Variants in TENM4 observed in about 807,000 individuals in gnomAD.
The protein encoded by TENM4 is teneurin-4.
A neutral mutation model predicts 243.3 loss-of-function variants in TENM4; 82 were observed. The ratio of observed to expected loss-of-function variants is 0.34; its 90% CI spans 0.28 to 0.40. TENM4 has a LOEUF of 0.40. TENM4 is among the 10% of genes least tolerant of loss of function. The pLI, the probability that TENM4 is intolerant of heterozygous loss-of-function variation, is 1.00. For missense variants in TENM4, 3,138 were observed against 3,673.3 expected (o/e 0.85, Z 3.77); for synonymous variants, 1,412 against 1,456.3 (o/e 0.97, Z 0.69).
At chr11:79,066,397 C>T (rs996250923) in intron 5 of TENM4, among the ~76,000 whole-genome samples, 10 of 152,126 alleles carry the variant, frequency 6.6e-5, no homozygotes, top group Non-Finnish European at 1.5e-4. Context: ...GGGTAGGAGG[C>T]GAGCCAGCAG....
chr11:79,092,838 G>A (rs1470757254), intron 4 of TENM4: 2 of 152,194 alleles, frequency 1.3e-5, no homozygotes, highest in Non-Finnish European at 2.9e-5. Flanking sequence ...GGAGGCTCTA[G>A]AATCTGGAGA....
chr11:78,902,735 C>T (rs1461267170), intron 7 of TENM4, among the ~76,000 whole-genome samples: 2 of 152,130 alleles, frequency 1.3e-5, no homozygotes, highest in Non-Finnish European at 2.9e-5. Context: ...GGGCTTTGGG[C>T]ATAAAGGTGG....
chr11:79,314,692 A>G (rs957332357), intron 1 of TENM4, among the ~76,000 whole-genome samples: 3 of 152,254 alleles, frequency 2.0e-5, no homozygotes, highest in Non-Finnish European at 2.9e-5. Flanking sequence ...GCAAGGTGCT[A>G]GATGACTTTT....
At chr11:78,937,651 C>G (rs1163280864) in intron 6 of TENM4, among the ~76,000 whole-genome samples, 1 of 152,102 alleles carries the variant, frequency 6.6e-6, no homozygotes, top group Non-Finnish European at 1.5e-5. Flanking sequence ...ACAGAGCAAA[C>G]CAAAATGGAG....
chr11:79,251,746 T>C (rs186911936), intron 2 of TENM4, among the ~76,000 whole-genome samples: 199 of 151,976 alleles, frequency 1.3e-3, no homozygotes, highest in African/African-American at 4.5e-3. Flanking sequence ...ATAAAAATCA[T>C]GTTAAAATAA....
At chr11:79,404,442 G>C (rs546860614) in intron 1 of TENM4, among the ~76,000 whole-genome samples, 1 of 152,334 alleles carries the variant, frequency 6.6e-6, no homozygotes, top group African/African-American at 2.4e-5. Flanking sequence ...GAGGCTGCCA[G>C]GGGATTGGGG....
chr11:78,903,190 G>A, intron 7 of TENM4, 78 bp downstream of exon 7: 2 of 1,434,188 alleles, frequency 1.4e-6, no homozygotes, highest in Non-Finnish European at 1.8e-6. Context: ...ACACTGAATG[G>A]CCCCGCCAGC....
intron 6 of TENM4, among the ~76,000 whole-genome samples, chr11:78,984,582 A>T (rs1227818281): frequency 6.6e-6 from 1 of 152,116 alleles, no homozygotes; most frequent in African/African-American, 2.4e-5. Context: ...CAAGGGACTC[A>T]CTACTCACTC....
intron 1 of TENM4, among the ~76,000 whole-genome samples, chr11:79,421,414 T>C (rs1243246816): frequency 2.6e-5 from 4 of 152,204 alleles, no homozygotes; most frequent in African/African-American, 9.6e-5. Flanking sequence ...AGTCATAAAG[T>C]GCATTCCTAT....
chr11:79,399,779 C>A (rs1174199623), intron 1 of TENM4, among the ~76,000 whole-genome samples: 1 of 152,070 alleles, frequency 6.6e-6, no homozygotes, highest in Non-Finnish European at 1.5e-5. Flanking sequence ...ATTACTATGA[C>A]CTTAGGCAAG....
intron 6 of TENM4, among the ~76,000 whole-genome samples, chr11:78,980,593 A>G (rs763320969): frequency 2.0e-5 from 3 of 152,250 alleles, no homozygotes; most frequent in Non-Finnish European, 4.4e-5. Flanking sequence ...TATCAACAAT[A>G]GTAACAGTAG....
intron 1 of TENM4, among the ~76,000 whole-genome samples, chr11:79,372,672 T>G (rs1439673270): frequency 6.6e-6 from 1 of 152,196 alleles, no homozygotes; most frequent in Admixed American, 6.5e-5. Flanking sequence ...AAGCATCACT[T>G]TCCTCTTCTG....
chr11:78,885,939 A>C (rs1329255382), intron 9 of TENM4, among the ~76,000 whole-genome samples: 1 of 152,130 alleles, frequency 6.6e-6, no homozygotes, highest in Non-Finnish European at 1.5e-5. Context: ...ACAAACAAAC[A>C]AACAAACAAA....
At chr11:79,372,491 T>C (rs1240161241) in intron 1 of TENM4, among the ~76,000 whole-genome samples, 1 of 152,148 alleles carries the variant, frequency 6.6e-6, no homozygotes, top group African/African-American at 2.4e-5. Context: ...GAGATGGAGC[T>C]TATCTCTCAG....
intron 3 of TENM4, among the ~76,000 whole-genome samples, chr11:79,178,434 C>G (rs1293748043): frequency 6.6e-6 from 1 of 151,360 alleles, no homozygotes; most frequent in African/African-American, 2.4e-5. Flanking sequence ...TGGGGCACCC[C>G]TGCATTCAGA....
intron 1 of TENM4, among the ~76,000 whole-genome samples, chr11:79,363,751 T>C (rs1857629639): frequency 6.6e-6 from 1 of 152,230 alleles, no homozygotes; most frequent in Admixed American, 6.5e-5. Flanking sequence ...TTTTACTAAA[T>C]GATACTAAAA....
intron 6 of TENM4, among the ~76,000 whole-genome samples, chr11:78,985,602 C>T (rs555741432): frequency 5.9e-5 from 9 of 152,208 alleles, no homozygotes; most frequent in African/African-American, 2.2e-4. Context: ...TATCTTTGTA[C>T]ATTTTTTGTG....
At chr11:78,994,761 G>T (rs1013631190) in intron 6 of TENM4, among the ~76,000 whole-genome samples, 25 of 152,190 alleles carry the variant, frequency 1.6e-4, no homozygotes, top group African/African-American at 5.5e-4. Context: ...CTCTCAGAAA[G>T]AGTATCAATC....
intron 3 of TENM4, among the ~76,000 whole-genome samples, chr11:79,173,077 G>C (rs1863082998): frequency 6.6e-6 from 1 of 152,068 alleles, no homozygotes; most frequent in African/African-American, 2.4e-5. Context: ...ACTGTACCAA[G>C]AATCAAAAAC....
Sources: allele counts gnomAD v4.1 joint callset (sites outside exome capture counted in the v4.1 genomes callset), GRCh38; gene constraint gnomAD v4.1.1; transcripts MANE v1.5; gene names NCBI Gene and HGNC (gene_info 2026-07-23, HGNC 2026-07-21).